Variants in KDM4B observed in about 807,000 individuals in gnomAD.
KDM4B encodes lysine-specific demethylase 4B.
A neutral mutation model predicts 125.2 loss-of-function variants in KDM4B; 32 were observed. The observed-to-expected ratio is 0.26, with a 90% CI of 0.19 to 0.34. The LOEUF is 0.34. Among genes scored for constraint, KDM4B ranks in the 10% least tolerant of loss-of-function variants. The pLI, the probability that KDM4B is intolerant of heterozygous loss-of-function variation, is 1.00. For missense variants in KDM4B, 1,190 were observed against 1,577.7 expected (o/e 0.75, Z 4.16); for synonymous variants, 721 against 677.9 (o/e 1.06, Z -0.99).
chr19:5,065,809 A>G (rs1442777391), intron 6 of KDM4B, among the ~76,000 whole-genome samples: 1 of 152,154 alleles, frequency 6.6e-6, no homozygotes, highest in Non-Finnish European at 1.5e-5. Flanking sequence ...GGCCCATGGC[A>G]AAGGTTCGCC....
chr19:5,046,583 C>T (rs2037033643), intron 5 of KDM4B, among the ~76,000 whole-genome samples: 1 of 152,210 alleles, frequency 6.6e-6, no homozygotes, highest in Admixed American at 6.5e-5. Context: ...ATGAGCCTCT[C>T]CGGGGACTGC....
chr19:5,038,662 T>G (rs998061634), intron 3 of KDM4B, among the ~76,000 whole-genome samples: 1 of 152,164 alleles, frequency 6.6e-6, no homozygotes, highest in Non-Finnish European at 1.5e-5. Context: ...TGGGCCATAG[T>G]CTGTCTGCTC....
chr19:4,993,385 G>A (rs1047368464), intron 1 of KDM4B, among the ~76,000 whole-genome samples: 1 of 151,312 alleles, frequency 6.6e-6, no homozygotes, highest in African/African-American at 2.4e-5. Context: ...CTCCAGCCTG[G>A]GCGACAGAGT....
At position 5,052,786 on chromosome 19, in the gene KDM4B, G is replaced by T. The variant is rs370783695; in HGVS notation, c.626+5117G>T. Among the ~76,000 whole-genome samples the T allele has an allele frequency of 5.7e-3, 871 of 152,356 alleles. 10 individuals carry two copies. The highest frequency in any genetic ancestry group is 0.02 in the African/African-American group (823 of 41,586). On this transcript the variant is annotated intron_variant, in intron 6 of 22. Transcript: ENST00000159111. ...CCAGGCAGCAGCCTGAAGGCCCATG[G>T]GGTAGCGCGCTGGCGCCCGGGGACC...
chr19:5,016,754 C>T (rs981879480), intron 2 of KDM4B, among the ~76,000 whole-genome samples: 6 of 152,368 alleles, frequency 3.9e-5, no homozygotes, highest in African/African-American at 1.4e-4. Context: ...TAGAGCAGGG[C>T]TCTCTAAAAA....
intron 1 of KDM4B, among the ~76,000 whole-genome samples, chr19:4,996,540 AT>A (rs35219542): frequency 2.7e-3 from 385 of 141,788 alleles, no homozygotes; most frequent in Non-Finnish European, 2.4e-3. Flanking sequence ...CATCTGGCTA[AT>A]TTTTTTTTTT....
chr19:5,064,937 T>G (rs2613762), intron 6 of KDM4B, among the ~76,000 whole-genome samples: 120,311 of 152,236 alleles, frequency 0.79, 48,385 homozygotes, highest in East Asian at 0.94. Flanking sequence ...GGCCCTGCTG[T>G]CATTGCCTGC....
At chr19:5,138,950 TCTCA>T (rs1262629963) in intron 18 of KDM4B, among the ~76,000 whole-genome samples, 1 of 152,226 alleles carries the variant, frequency 6.6e-6, no homozygotes. Context: ...AGACAGGGTC[TCTCA>T]CTCTGTTACC....
chr19:4,988,420 T>C (rs984174959), intron 1 of KDM4B, among the ~76,000 whole-genome samples: 9 of 151,974 alleles, frequency 5.9e-5, no homozygotes, highest in East Asian at 1.9e-4. Context: ...GGACTACAGG[T>C]GCCCGCCACC....
At chr19:4,978,949 C>T (rs149829443) in intron 1 of KDM4B, among the ~76,000 whole-genome samples, 1,864 of 152,282 alleles carry the variant, frequency 0.012, 35 homozygotes, top group African/African-American at 0.042. Context: ...GTCTCCTGCC[C>T]GCAGGGCCTC....
intron 10 of KDM4B, among the ~76,000 whole-genome samples, chr19:5,118,587 A>G (rs1330295239): frequency 6.6e-6 from 1 of 152,128 alleles, no homozygotes; most frequent in African/African-American, 2.4e-5. Flanking sequence ...CCCCCTGGGA[A>G]CCACCCCCTC....
At chr19:4,991,569 C>G (rs565051369) in intron 1 of KDM4B, among the ~76,000 whole-genome samples, 3 of 152,206 alleles carry the variant, frequency 2.0e-5, no homozygotes, top group Non-Finnish European at 2.9e-5. Context: ...TTTAGTGTCC[C>G]GTTAAAACTA....
At chr19:5,145,122 C>A (rs756543064) in intron 21 of KDM4B, among the ~76,000 whole-genome samples, 35 of 152,280 alleles carry the variant, frequency 2.3e-4, no homozygotes, top group South Asian at 6.2e-4. Flanking sequence ...GGGGCCTCCA[C>A]TCGGGTGACA....
chr19:5,044,484 G>A (rs968136227), intron 5 of KDM4B, among the ~76,000 whole-genome samples: 4 of 152,140 alleles, frequency 2.6e-5, no homozygotes, highest in African/African-American at 7.2e-5. Context: ...ATCCGCTGAC[G>A]GACATTTGGG....
At chr19:5,004,305 C>T (rs1449761383) in intron 1 of KDM4B, among the ~76,000 whole-genome samples, 1 of 152,212 alleles carries the variant, frequency 6.6e-6, no homozygotes, top group Non-Finnish European at 1.5e-5. Flanking sequence ...GTGCTCGGCT[C>T]CCAGCTCTTG....
intron 20 of KDM4B, 99 bp from the exon 21 acceptor site, chr19:5,144,684 A>G (rs2146104336): frequency 6.6e-7 from 1 of 1,521,404 alleles, no homozygotes; most frequent in Non-Finnish European, 8.9e-7. Context: ...GGCTTCAGGC[A>G]GAGAACCTCA....
intron 21 of KDM4B, among the ~76,000 whole-genome samples, chr19:5,146,962 A>AAC (rs374597561): frequency 6.8e-6 from 1 of 148,128 alleles, no homozygotes; most frequent in Non-Finnish European, 1.5e-5. Context: ...AAAAAAAAAA[A>AAC]CAAAAACTCT....
At chr19:5,033,798 C>G (rs1382993848) in intron 3 of KDM4B, among the ~76,000 whole-genome samples, 1 of 152,182 alleles carries the variant, frequency 6.6e-6, no homozygotes, top group Non-Finnish European at 1.5e-5. Context: ...TGAATACACA[C>G]AGCAGACCCC....
chr19:5,013,513 T>C (rs1374233458), intron 1 of KDM4B, among the ~76,000 whole-genome samples: 5 of 152,198 alleles, frequency 3.3e-5, no homozygotes, highest in Non-Finnish European at 5.9e-5. Context: ...GCTAAAATCA[T>C]GATGTGGGCA....
Sources: gnomAD v4.1 joint callset for allele counts (sites outside exome capture counted in the v4.1 genomes callset) on GRCh38, gnomAD v4.1.1 for gene constraint, MANE v1.5 for transcripts, NCBI Gene and HGNC (gene_info 2026-07-23, HGNC 2026-07-21) for gene names.